HMCN1: variants seen among roughly 807,000 people sequenced by gnomAD.
HMCN1 encodes hemicentin 1.
A neutral mutation model predicts 625.9 loss-of-function variants in HMCN1; 321 were observed. The ratio of observed to expected loss-of-function variants is 0.51; its 90% CI spans 0.47 to 0.56. The LOEUF is 0.56. HMCN1 is among the 20% of genes least tolerant of loss of function. HMCN1 has a pLI of 0.00. For missense variants in HMCN1, 6,588 were observed against 6,887.3 expected, an observed-to-expected ratio of 0.96 and a Z score of 1.54; for synonymous variants, 2,425 against 2,417.6, an observed-to-expected ratio of 1.00 and a Z score of -0.09.
chr1:186,117,215 ATTTAT>A (rs1248615662), intron 76 of HMCN1, 100 bp downstream of exon 76: 4 of 1,500,408 alleles, frequency 2.7e-6, no homozygotes, highest in Non-Finnish European at 2.7e-6. Flanking sequence ...TTTTTTAAAC[ATTTAT>A]TTTAAGTTCA....
Position 186,113,972 on chromosome 1 carries a change from T to A in HMCN1, c.11132-7T>A, listed in dbSNP as rs765785821. On this transcript the variant is annotated splice_polypyrimidine_tract_variant and splice_region_variant and intron_variant, in intron 72 of 106. Coordinates refer to ENST00000271588, the MANE Select transcript of HMCN1 (RefSeq NM_031935.3). The stretch of plus-strand genomic sequence containing the variant: ...ACTGAATTTTTTCATGTGTATCTCT[T>A]GTTCAGTTCCTCCAAACATAAAGGG... 3 of 1,613,998 alleles carry A rather than the reference T, an allele frequency of 1.9e-6. No homozygotes were observed. The highest frequency in any genetic ancestry group is 2.5e-6 in the Non-Finnish European group (3 of 1,179,972).
At chr1:185,746,380 A>G (rs1311934433) in intron 1 of HMCN1, among the ~76,000 whole-genome samples, 1 of 152,212 alleles carries the variant, frequency 6.6e-6, no homozygotes, top group Non-Finnish European at 1.5e-5. Context: ...GACTTAAACA[A>G]TAGAAATTTA....
At chr1:186,073,852 A>G (rs898136162) in intron 52 of HMCN1, among the ~76,000 whole-genome samples, 19 of 152,084 alleles carry the variant, frequency 1.2e-4, no homozygotes, top group Non-Finnish European at 2.9e-5. Flanking sequence ...TAGTCACCAA[A>G]TGAGAGCTTG....
intron 23 of HMCN1, among the ~76,000 whole-genome samples, chr1:185,994,102 A>C (rs903737826): frequency 2.0e-5 from 3 of 152,174 alleles, no homozygotes; most frequent in Non-Finnish European, 4.4e-5. Context: ...GAAAGTGTTC[A>C]TTAAATATTA....
intron 35 of HMCN1, 49 bp from the exon 36 acceptor site, chr1:186,022,981 A>G: frequency 1.3e-6 from 2 of 1,582,158 alleles, no homozygotes; most frequent in Middle Eastern, 1.7e-4. Context: ...ATATTTTCAA[A>G]TCCAAGTATA....
At chr1:185,876,782 TTTGAG>T (rs1405394063) in intron 4 of HMCN1, among the ~76,000 whole-genome samples, 4 of 152,010 alleles carry the variant, frequency 2.6e-5, no homozygotes, top group Admixed American at 6.6e-5. Flanking sequence ...TGTTGAGTTG[TTTGAG>T]TTATTTCTAG....
intron 100 of HMCN1, among the ~76,000 whole-genome samples, chr1:186,170,861 G>C (rs1410657944): frequency 6.6e-6 from 1 of 152,218 alleles, no homozygotes; most frequent in Non-Finnish European, 1.5e-5. Flanking sequence ...GGCAGTGACT[G>C]CCAAATGTAG....
intron 1 of HMCN1, among the ~76,000 whole-genome samples, chr1:185,827,838 T>C (rs1050501475): frequency 1.1e-4 from 16 of 151,860 alleles, no homozygotes; most frequent in African/African-American, 3.6e-4. Context: ...TCAGAGATAA[T>C]GAAAGACTCC....
At chr1:185,825,531 A>C (rs1210847796) in intron 1 of HMCN1, among the ~76,000 whole-genome samples, 1 of 152,190 alleles carries the variant, frequency 6.6e-6, no homozygotes, top group Admixed American at 6.5e-5. Context: ...TACATGAAAT[A>C]ATGATAATCA....
At chr1:185,921,978 T>C (rs1163697881) in intron 6 of HMCN1, among the ~76,000 whole-genome samples, 1 of 152,178 alleles carries the variant, frequency 6.6e-6, no homozygotes, top group East Asian at 1.9e-4. Flanking sequence ...ATAAATATTT[T>C]CTAGAATTGA....
In HMCN1 at chr1:185,865,814, C is replaced by T; in HGVS notation, c.572C>T (p.Ser191Phe). ...TATAAAGTCTATGAAGAAATTGCCT[C>T]TACAAGTTCTGGTCAAGTGTTCCAT... ...IGYKVYEEIASTSSGQVFHLD... is the reference protein window; with the variant it reads ...IGYKVYEEIAFTSSGQVFHLD... Residue 191 changes from serine (S) to phenylalanine (F), a missense_variant, in exon 4 of 107, where the codon TCT (serine) becomes TTT (phenylalanine). By Grantham distance (155) the Ser-to-Phe change is radical. Around this residue, in one of 3 missense-constraint regions of HMCN1, gnomAD observed 4,628 missense variants for 4,853.1 expected, o/e 0.95. Transcript: ENST00000271588. The T allele has an allele frequency of 6.2e-7, 1 of 1,612,670 alleles. No homozygotes were observed. Among genetic ancestry groups the T allele is most frequent in the Non-Finnish European group, 8.5e-7 (1 of 1,179,308 alleles).
At chr1:186,186,994 TCACACACACACACACACACACACA>T (rs371455899) in intron 105 of HMCN1, among the ~76,000 whole-genome samples, 6 of 134,516 alleles carry the variant, frequency 4.5e-5, no homozygotes, top group Non-Finnish European at 7.8e-5. Context: ...TGTCTCTGTC[TCACACACACACACACACACACACA>T]CACACACACA....
chr1:185,773,457 A>G (rs1349045161), intron 1 of HMCN1, among the ~76,000 whole-genome samples: 1 of 152,162 alleles, frequency 6.6e-6, no homozygotes, highest in Non-Finnish European at 1.5e-5. Context: ...ACTTATTGTT[A>G]TTGATGATGT....
In HMCN1 at chr1:185,892,509, C is replaced by T. The variant is rs561737629; in HGVS notation, c.622-16828C>T. 5.9e-5 allele frequency among the ~76,000 whole-genome samples: 9 copies of T among 152,104 alleles called. No homozygotes were observed. In the South Asian group the frequency reaches 8.3e-4, roughly 14 times the overall value. On this transcript the variant is annotated intron_variant, in intron 4 of 106. Coordinates refer to ENST00000271588, the MANE Select transcript of HMCN1 (RefSeq NM_031935.3). ...TTTTTGGTGTGGATGTCCTTTCTGT[C>T]TGTTAGTTTTCCTTCTAACAGACAG... is the stretch of plus-strand genomic sequence containing the variant.
intron 6 of HMCN1, 142 bp from the exon 7 acceptor site, chr1:185,922,237 T>C (rs780130357): frequency 7.8e-6 from 7 of 892,348 alleles, no homozygotes; most frequent in African/African-American, 6.6e-5. Context: ...ATCCTAGTTA[T>C]GTTGAGAACA....
chr1:185,965,852 G>C lies in HMCN1; in HGVS notation c.2149G>C (p.Asp717His), dbSNP rs1650370859. 1.9e-6 allele frequency: 3 copies of C among 1,612,904 alleles called. No individual in the cohort carries two copies. Among genetic ancestry groups the C allele is most frequent in the Non-Finnish European group, 2.5e-6 (3 of 1,179,124 alleles). Residue 717 changes from aspartate (D) to histidine (H), a missense_variant, in exon 14 of 107, where the codon GAT (aspartate) becomes CAT (histidine). Coordinates refer to ENST00000271588, the MANE Select transcript of HMCN1 (RefSeq NM_031935.3). Reference protein sequence around the residue: ...VQSELLVALGDITVMECKTSG... With the variant: ...VQSELLVALGHITVMECKTSG... Reference sequence around the variant, plus strand: ...GAGTGAGCTCTTGGTTGCCCTTGGGGATATAACCGTTATGGAATGCAAAAC... The same window carrying C: ...GAGTGAGCTCTTGGTTGCCCTTGGGCATATAACCGTTATGGAATGCAAAAC...
At position 186,172,099 on chromosome 1, in the gene HMCN1, G is replaced by C; in HGVS notation, c.15782G>C (p.Gly5261Ala). 1.2e-6 allele frequency: 2 copies of C among 1,613,834 alleles called. No homozygotes were observed. Among genetic ancestry groups the C allele is most frequent in the Non-Finnish European group, 1.7e-6 (2 of 1,179,764 alleles). Residue 5261 changes from glycine (G) to alanine (A), a missense_variant, in exon 102 of 107, where the codon GGA becomes GCA. By Grantham distance (60) the Gly-to-Ala change is moderately conservative (BLOSUM62 0). Transcript: ENST00000271588. ...AAGTGCATTGATCTTTGTCCAAATG[G>C]AATGACCAAGGCAGAAAATGGAACC... Reference protein sequence around the residue: ...GYKCIDLCPNGMTKAENGTCI... With the variant: ...GYKCIDLCPNAMTKAENGTCI...
intron 1 of HMCN1, among the ~76,000 whole-genome samples, chr1:185,818,448 C>T (rs748874911): frequency 2.5e-4 from 38 of 152,134 alleles, no homozygotes; most frequent in Non-Finnish European, 4.9e-4. Context: ...GATTAAGACA[C>T]CTCAAAACTT....
chr1:186,141,971 AC>A (rs1273717456), intron 89 of HMCN1, among the ~76,000 whole-genome samples: 2 of 152,152 alleles, frequency 1.3e-5, no homozygotes, highest in Admixed American at 1.3e-4. Flanking sequence ...CATGTTTCTT[AC>A]CTACTAATCC....
Sources: allele counts gnomAD v4.1 joint callset (sites outside exome capture counted in the v4.1 genomes callset), GRCh38; gene constraint gnomAD v4.1.1; regional missense constraint gnomAD v4.1.1; transcripts MANE v1.5; gene names NCBI Gene and HGNC (gene_info 2026-07-23, HGNC 2026-07-21).